TIMM44: variants seen among roughly 807,000 people sequenced by gnomAD.
TIMM44 encodes the protein mitochondrial import inner membrane translocase subunit TIM44.
A neutral mutation model predicts 63.8 loss-of-function variants in TIMM44; 37 were observed. The observed-to-expected ratio is 0.58, with a 90% CI of 0.45 to 0.76. The LOEUF is 0.76. TIMM44 is among the 30% of genes least tolerant of loss of function. TIMM44 has a pLI of 0.00. For missense variants in TIMM44, 573 were observed against 603.8 expected, an observed-to-expected ratio of 0.95 and a Z score of 0.54; for synonymous variants, 239 against 245.1, an observed-to-expected ratio of 0.98 and a Z score of 0.23.
At chr19:7,927,799 C>T in intron 11 of TIMM44, 32 bp from the exon 12 acceptor site, 3 of 1,594,462 alleles carry the variant, frequency 1.9e-6, no homozygotes, top group Non-Finnish European at 1.7e-6. Context: ...GGATGTGCCT[C>T]AGAGGACAGC....
intron 3 of TIMM44, among the ~76,000 whole-genome samples, chr19:7,936,600 C>T (rs1158642530): frequency 6.6e-6 from 1 of 152,214 alleles, no homozygotes; most frequent in Non-Finnish European, 1.5e-5. Context: ...CTCGCAGGGC[C>T]CTTACAAATA....
intron 3 of TIMM44, among the ~76,000 whole-genome samples, chr19:7,936,895 G>C (rs1044178412): frequency 6.6e-6 from 1 of 151,890 alleles, no homozygotes; most frequent in Non-Finnish European, 1.5e-5. Flanking sequence ...GAGGTCAGGA[G>C]TTCAAGGCCA....
In TIMM44 at chr19:7,933,738, G is replaced by A; in HGVS notation, c.683+126C>T. The A allele has an allele frequency of 2.7e-6, 4 of 1,487,250 alleles. No homozygotes were observed. The allele number at this position is 1,487,250 out of a possible 1,614,324, so 92.1% of individuals were successfully genotyped here. A position where few individuals can be genotyped will look rare whatever the true frequency, so the allele number is the denominator to read the frequency against. The stretch of plus-strand genomic sequence containing the variant: ...CTCACCCTCAAATTCGAGGGAGCCG[G>A]GAACCTTGGGCAGAAGGCAAACTCA... On this transcript the variant is annotated intron_variant, in intron 6 of 12. Transcript: ENST00000270538. The surrounding 1 kb of genome is among the most constrained non-coding windows in gnomAD (Gnocchi z 4.3).
intron 2 of TIMM44, among the ~76,000 whole-genome samples, chr19:7,939,793 G>C: frequency 6.6e-6 from 1 of 151,922 alleles, no homozygotes; most frequent in South Asian, 2.1e-4. Context: ...GCGCCTGCCT[G>C]TAGTCCCAGC....
In TIMM44 at chr19:7,932,618, G is replaced by C. The variant is rs1984018257; in HGVS notation, c.987+9C>G. The C allele has an allele frequency of 1.9e-6, 3 of 1,612,818 alleles. No homozygotes were observed. Among genetic ancestry groups the C allele is most frequent in the Non-Finnish European group, 2.5e-6 (3 of 1,179,992 alleles). On this transcript the variant is annotated intron_variant, in intron 9 of 12. Coordinates refer to ENST00000270538, the MANE Select transcript of TIMM44 (RefSeq NM_006351.4). ...CGCCTGGGAGGGGTCCTGGGGGTGTGGCACCCACCTCCAGGACATTGGGGA... is the reference window on the plus strand; with the variant it reads ...CGCCTGGGAGGGGTCCTGGGGGTGTCGCACCCACCTCCAGGACATTGGGGA...
intron 4 of TIMM44, 53 bp downstream of exon 4, chr19:7,935,005 CTCCAGCG>C (rs1415010820): frequency 6.6e-7 from 1 of 1,511,284 alleles, no homozygotes; most frequent in African/African-American, 1.4e-5. Flanking sequence ...TTCCTCCAGC[CTCCAGCG>C]GCCAGGGGAC....
chr19:7,936,014 C>T (rs567336376), intron 3 of TIMM44, among the ~76,000 whole-genome samples: 17 of 152,268 alleles, frequency 1.1e-4, no homozygotes, highest in East Asian at 3.9e-4. Context: ...ATTAGCCAGG[C>T]GTGGTATCCC....
In TIMM44 at chr19:7,934,390, C is replaced by G; in HGVS notation, c.394-152G>C. On this transcript the variant is annotated intron_variant, in intron 4 of 12. Coordinates refer to ENST00000270538, the MANE Select transcript of TIMM44 (RefSeq NM_006351.4). This position sits in a 1 kb window ranked among gnomAD's most constrained non-coding sequence, Gnocchi z 5.3. ...TGTGCTCCTGTGGTACGCGGCACCC[C>G]CAGAGCCATGAGCACAACGGCACCC... 2 of 1,039,284 alleles carry G rather than the reference C, an allele frequency of 1.9e-6. No homozygotes were observed. Among genetic ancestry groups the G allele is most frequent in the South Asian group, 2.8e-5 (2 of 71,032 alleles). 64.4% of individuals were successfully genotyped at this position (1,039,284 alleles called of 1,614,324 possible).
At chr19:7,928,432 C>G (rs1009326242) in intron 10 of TIMM44, 1 of 505,360 alleles carries the variant, frequency 2.0e-6, no homozygotes, top group African/African-American at 1.9e-5. Flanking sequence ...TCTCTTGGAA[C>G]AAAATCCCAA....
intron 9 of TIMM44, chr19:7,931,827 C>G (rs1436105852): frequency 6.3e-6 from 1 of 159,586 alleles, no homozygotes; most frequent in Non-Finnish European, 1.4e-5. Context: ...GGCCAGAACA[C>G]TTGGCACCCA....
rs181461201 is a variant in TIMM44, at chr19:7,938,805, T to C, written c.142-608A>G. Among the ~76,000 whole-genome samples the C allele has an allele frequency of 4.5e-3, 683 of 151,764 alleles. 2 individuals carry two copies. Among genetic ancestry groups the C allele is most frequent in the Middle Eastern group, 6.8e-3 (2 of 294 alleles). Reference sequence around the variant, plus strand: ...CTGGGTGACAGAGCGAGACTCCATCTCAAATAAAATAAAATAAAATAATTT... The same window carrying C: ...CTGGGTGACAGAGCGAGACTCCATCCCAAATAAAATAAAATAAAATAATTT... On this transcript the variant is annotated intron_variant, in intron 2 of 12. Transcript: ENST00000270538.
intron 3 of TIMM44, among the ~76,000 whole-genome samples, chr19:7,935,976 G>A (rs1004512271): frequency 3.3e-5 from 5 of 152,266 alleles, no homozygotes; most frequent in African/African-American, 1.2e-4. Context: ...GCAACATGGC[G>A]AGACCCTGTC....
chr19:7,931,476 G>C (rs2032771344), intron 9 of TIMM44: 1 of 461,502 alleles, frequency 2.2e-6, no homozygotes, highest in African/African-American at 2.0e-5. Flanking sequence ...TGGAGGAAGA[G>C]AAAGGTGGCT....
In TIMM44 at chr19:7,934,751, C is replaced by T. The variant is rs1356686525; in HGVS notation, c.393+314G>A. The stretch of plus-strand genomic sequence containing the variant: ...CAGGAATCCTGCCTCCCGCCTCTAC[C>T]CTCGGGAGGGGGTGGAAGCGGCCCC... On this transcript the variant is annotated intron_variant, in intron 4 of 12. Transcript: ENST00000270538. This position sits in a 1 kb window ranked among gnomAD's most constrained non-coding sequence, Gnocchi z 5.3. Among the ~76,000 whole-genome samples the T allele has an allele frequency of 6.6e-6, 1 of 152,222 alleles. No homozygotes were observed. Among genetic ancestry groups the T allele is most frequent in the Admixed American group, 6.5e-5 (1 of 15,288 alleles).
chr19:7,932,658 C>CTCGT lies in TIMM44; in HGVS notation c.955_956insACGA (p.Cys319TyrfsTer20), dbSNP rs1179726819. 6.2e-7 allele frequency: 1 copy of CTCGT among 1,613,990 alleles called. No homozygotes were observed. Among genetic ancestry groups the CTCGT allele is most frequent in the Middle Eastern group, 1.7e-4 (1 of 6,048 alleles). On this transcript the variant is annotated frameshift_variant, in exon 9 of 13. Coordinates refer to ENST00000270538, the MANE Select transcript of TIMM44 (RefSeq NM_006351.4). LOFTEE classifies it high-confidence loss of function. ...GACATTGGGGATGATGTCGTTCTCG[C>CTCGT]ACTGTTTCAGAAACCGGTCCTTGTC...
rs374638647 is a variant in TIMM44, at chr19:7,941,148, T to C, written c.95A>G (p.His32Arg). The change falls in exon 2 of 13, where the codon CAT (histidine) becomes CGT (arginine). Residue 32 changes from histidine to arginine, a missense_variant. His to Arg is a conservative substitution (Grantham distance 29). Coordinates refer to ENST00000270538, the MANE Select transcript of TIMM44 (RefSeq NM_006351.4). ...CCGGCGCATCTGATAGGTCGACCCATGGGGTAGGTTGTGGCTGGAAAGAAA... is the reference window on the plus strand; with the variant it reads ...CCGGCGCATCTGATAGGTCGACCCACGGGGTAGGTTGTGGCTGGAAAGAAA... ...IQFLSSHNLP[H>R]GSTYQMRRPG... 3.7e-6 allele frequency: 6 copies of C among 1,613,852 alleles called. No individual in the cohort carries two copies. Among genetic ancestry groups the C allele is most frequent in the Non-Finnish European group, 5.1e-6 (6 of 1,179,896 alleles).
Position 7,941,120 on chromosome 19 carries a change from C to G in TIMM44, c.123G>C (p.Pro41=). The G allele has an allele frequency of 6.2e-7, 1 of 1,614,032 alleles. No homozygotes were observed. The highest frequency in any genetic ancestry group is 2.2e-5 in the East Asian group (1 of 44,864). The change falls in exon 2 of 13, where the codon CCG becomes CCC. Residue 41 remains proline, a synonymous_variant. Transcript: ENST00000270538. The part of the protein sequence containing the change: ...PHGSTYQMRR[P]GGELPLSKSY... The stretch of plus-strand genomic sequence containing the variant: ...CACTCACCAGTGGCAGCTCTCCGCC[C>G]GGCCGGCGCATCTGATAGGTCGACC...
intron 10 of TIMM44, among the ~76,000 whole-genome samples, chr19:7,930,908 C>T (rs1175505140): frequency 1.3e-5 from 2 of 151,990 alleles, no homozygotes; most frequent in Non-Finnish European, 2.9e-5. Context: ...AAAGGACTGG[C>T]GGGTGACCCG....
intron 9 of TIMM44, chr19:7,931,467 G>A (rs935324813): frequency 1.3e-5 from 6 of 475,428 alleles, no homozygotes; most frequent in Non-Finnish European, 1.9e-5. Flanking sequence ...GGAACCTGGT[G>A]GAGGAAGAGA....
Sources: allele counts gnomAD v4.1 joint callset (sites outside exome capture counted in the v4.1 genomes callset), GRCh38; gene constraint gnomAD v4.1.1; non-coding constraint Gnocchi (gnomAD v3.1); transcripts MANE v1.5; gene names NCBI Gene and HGNC (gene_info 2026-07-23, HGNC 2026-07-21).